KCNB2: variants seen among roughly 807,000 people sequenced by gnomAD.
KCNB2 encodes the protein delayed rectifier potassium channel protein.
In KCNB2, 15 loss-of-function variants were observed where a neutral mutation model predicts 61.5. The observed-to-expected ratio is 0.24, with a 90% CI of 0.16 to 0.38. KCNB2 has a LOEUF of 0.38. Among genes scored for constraint, KCNB2 ranks in the 10% least tolerant of loss-of-function variants. The pLI, the probability that KCNB2 is intolerant of heterozygous loss-of-function variation, is 1.00. For synonymous variants in KCNB2, 457 were observed against 446.0 expected (o/e 1.02, Z -0.31); for missense variants, 828 against 1,125.2 (o/e 0.74, Z 3.78).
intron 2 of KCNB2, among the ~76,000 whole-genome samples, chr8:72,568,663 A>T (rs1026801856): frequency 2.0e-5 from 3 of 152,192 alleles, no homozygotes. Flanking sequence ...CTTGTGGAAG[A>T]CGAGGGCCTG....
intron 2 of KCNB2, among the ~76,000 whole-genome samples, chr8:72,742,714 G>A (rs1283760880): frequency 6.6e-6 from 1 of 152,108 alleles, no homozygotes; most frequent in Admixed American, 6.6e-5. Context: ...CCAGAGACCT[G>A]GCTTTCTGCA....
At position 72,936,060 on chromosome 8, in the gene KCNB2, C is replaced by T. The variant is rs1303421544; in HGVS notation, c.705C>T (p.His235=). The change falls in exon 3 of 3, where the codon CAC becomes CAT. Residue 235 remains histidine (H), a synonymous_variant. Transcript: ENST00000523207. The surrounding 1 kb of genome is among the most constrained non-coding windows in gnomAD (Gnocchi z 5.6). Reference sequence around the variant, plus strand: ...TCAATGACAACCGCCAATTAGCACACGTGGAGGCTGTGTGTATTGCATGGT... The same window carrying T: ...TCAATGACAACCGCCAATTAGCACATGTGGAGGCTGTGTGTATTGCATGGT... ...GQLNDNRQLA[H]VEAVCIAWFT... The T allele has an allele frequency of 1.9e-6, 3 of 1,614,174 alleles. No homozygotes were observed. Among genetic ancestry groups the T allele is most frequent in the South Asian group, 2.2e-5 (2 of 91,080 alleles).
chr8:72,743,659 G>T (rs1162981870), intron 2 of KCNB2, among the ~76,000 whole-genome samples: 1 of 152,220 alleles, frequency 6.6e-6, no homozygotes, highest in South Asian at 2.1e-4. Flanking sequence ...CTTGCTTTCT[G>T]TATTTTTTCT....
At chr8:72,901,502 C>T (rs986035577) in intron 2 of KCNB2, among the ~76,000 whole-genome samples, 1 of 152,070 alleles carries the variant, frequency 6.6e-6, no homozygotes, top group South Asian at 2.1e-4. Flanking sequence ...TCTTCTATAC[C>T]TTGCTTTTTT....
intron 2 of KCNB2, among the ~76,000 whole-genome samples, chr8:72,704,809 T>C (rs1807192615): frequency 6.6e-6 from 1 of 152,124 alleles, no homozygotes; most frequent in Non-Finnish European, 1.5e-5. Flanking sequence ...CTGCAGATGC[T>C]CAAGTCCCTT....
intron 2 of KCNB2, among the ~76,000 whole-genome samples, chr8:72,658,829 A>G (rs778799423): frequency 2.1e-4 from 32 of 152,230 alleles, no homozygotes; most frequent in Non-Finnish European, 1.9e-4. Flanking sequence ...GGATGACAAC[A>G]TATCTGTTTA....
intron 2 of KCNB2, among the ~76,000 whole-genome samples, chr8:72,748,190 A>G (rs1206560282): frequency 6.6e-6 from 1 of 152,218 alleles, no homozygotes; most frequent in Non-Finnish European, 1.5e-5. Flanking sequence ...TTTTATTGTT[A>G]TAACTTCTTT....
chr8:72,767,266 T>C (rs547423914), intron 2 of KCNB2, among the ~76,000 whole-genome samples: 238 of 152,324 alleles, frequency 1.6e-3, no homozygotes, highest in African/African-American at 5.6e-3. Flanking sequence ...TTTATTGATA[T>C]AGTATTTACT....
intron 2 of KCNB2, among the ~76,000 whole-genome samples, chr8:72,675,460 A>G (rs994319949): frequency 2.6e-5 from 4 of 151,618 alleles, no homozygotes; most frequent in Non-Finnish European, 5.9e-5. Flanking sequence ...GTTCACTCCC[A>G]CCATTTTCCC....
At chr8:72,586,211 T>G (rs1806998517) in intron 2 of KCNB2, among the ~76,000 whole-genome samples, 1 of 152,238 alleles carries the variant, frequency 6.6e-6, no homozygotes, top group African/African-American at 2.4e-5. Flanking sequence ...GTGAGGCTGG[T>G]TACCAGTGTC....
At position 72,864,429 on chromosome 8, in the gene KCNB2, C is replaced by T. The variant is rs536924121; in HGVS notation, c.580-71506C>T. ...TATTCTAAAGCTATTCTCTTTTATC[C>T]TGGTTCTTTGAAACAAAAACCAAAG... On this transcript the variant is annotated intron_variant, in intron 2 of 2. Coordinates refer to ENST00000523207, the MANE Select transcript of KCNB2 (RefSeq NM_004770.3). Among the ~76,000 whole-genome samples the T allele has an allele frequency of 2.0e-5, 3 of 152,274 alleles. No individual in the cohort carries two copies. In the South Asian group the frequency reaches 6.2e-4, roughly 32 times the overall value.
chr8:72,644,560 G>A (rs530029897), intron 2 of KCNB2, among the ~76,000 whole-genome samples: 1 of 152,236 alleles, frequency 6.6e-6, no homozygotes, highest in South Asian at 2.1e-4. Flanking sequence ...GAAAGCCTAC[G>A]TGTTTGTCTG....
chr8:72,658,224 A>T (rs913820364), intron 2 of KCNB2, among the ~76,000 whole-genome samples: 1 of 152,210 alleles, frequency 6.6e-6, no homozygotes, highest in South Asian at 2.1e-4. Context: ...GAAGGAAATT[A>T]AAAGTGGTAC....
Position 72,926,012 on chromosome 8 carries a change from A to G in KCNB2, c.580-9923A>G, listed in dbSNP as rs138699289. On this transcript the variant is annotated intron_variant, in intron 2 of 2. Transcript: ENST00000523207. The stretch of plus-strand genomic sequence containing the variant: ...ACTTAGGAACAAAAAAACAAACACC[A>G]CATGTTCTTACTTATGAGTAGGAGC... 3.7e-4 allele frequency among the ~76,000 whole-genome samples: 57 copies of G among 152,268 alleles called. 1 individual carries two copies. In the East Asian group the frequency reaches 0.01, roughly 27 times the overall value.
At chr8:72,684,707 T>C (rs1806822048) in intron 2 of KCNB2, among the ~76,000 whole-genome samples, 1 of 152,158 alleles carries the variant, frequency 6.6e-6, no homozygotes, top group Admixed American at 6.6e-5. Context: ...GAGTATTTGA[T>C]CAGTGACCAA....
chr8:72,923,679 C>T (rs1378273954), intron 2 of KCNB2, among the ~76,000 whole-genome samples: 2 of 151,250 alleles, frequency 1.3e-5, no homozygotes, highest in East Asian at 3.9e-4. Flanking sequence ...ACAGACTATA[C>T]ATTTGTCTGT....
intron 2 of KCNB2, among the ~76,000 whole-genome samples, chr8:72,765,020 G>T (rs1808439685): frequency 6.6e-6 from 1 of 152,156 alleles, no homozygotes; most frequent in Non-Finnish European, 1.5e-5. Context: ...AATATCCCAG[G>T]AATCTATAAA....
At position 72,937,504 on chromosome 8, in the gene KCNB2, G is replaced by A; in HGVS notation, c.2149G>A (p.Val717Met). Residue 717 changes from valine (V) to methionine (M), a missense_variant, in exon 3 of 3, where the codon GTG (valine) becomes ATG (methionine). Physicochemically the swap from Val to Met is conservative, Grantham distance 21. Around this residue, in one of 4 missense-constraint regions of KCNB2, gnomAD observed 559 missense variants for 588.4 expected, o/e 0.95. Coordinates refer to ENST00000523207, the MANE Select transcript of KCNB2 (RefSeq NM_004770.3). ...CCCACTAAAGTCCAGATCCCTCAAA[G>A]TGAACTTTAAGGAAAATAGAGGCAG... ...SNPLKSRSLK[V>M]NFKENRGSAP... The A allele has an allele frequency of 6.2e-7, 1 of 1,613,896 alleles. No homozygotes were observed. Among genetic ancestry groups the A allele is most frequent in the Non-Finnish European group, 8.5e-7 (1 of 1,179,994 alleles).
intron 2 of KCNB2, among the ~76,000 whole-genome samples, chr8:72,847,939 C>A (rs1810026559): frequency 6.6e-6 from 1 of 152,118 alleles, no homozygotes; most frequent in Non-Finnish European, 1.5e-5. Context: ...GAACAGAAAT[C>A]TCTGTGGGAA....
Sources: gnomAD v4.1 joint callset for allele counts (sites outside exome capture counted in the v4.1 genomes callset) on GRCh38, gnomAD v4.1.1 for gene constraint, gnomAD v4.1.1 regional missense constraint, Gnocchi (gnomAD v3.1) non-coding constraint, MANE v1.5 for transcripts, NCBI Gene and HGNC (gene_info 2026-07-23, HGNC 2026-07-21) for gene names.